Variants in SLC25A26 observed in about 807,000 individuals in gnomAD.
SLC25A26 encodes mitochondrial S-adenosylmethionine carrier protein.
A neutral mutation model predicts 37.8 loss-of-function variants in SLC25A26; 36 were observed. The ratio of observed to expected loss-of-function variants is 0.95; its 90% confidence interval spans 0.73 to 1.26. The LOEUF (loss-of-function observed/expected upper bound fraction) is 1.26, where lower values mean the gene tolerates loss of function less well. SLC25A26 is among the 50% of genes most tolerant of loss of function. SLC25A26 has a pLI of 0.00. For synonymous variants in SLC25A26, 129 were observed against 122.5 expected (o/e 1.05, Z -0.35); for missense variants, 390 against 331.1 (o/e 1.18, Z -1.38).
intron 5 of SLC25A26, among the ~76,000 whole-genome samples, chr3:66,329,737 A>T (rs1456120293): frequency 2.0e-5 from 3 of 152,112 alleles, no homozygotes; most frequent in Admixed American, 1.3e-4. Context: ...AATTTTACTT[A>T]TTTGTTTATT....
At chr3:66,248,579 G>GA (rs1251082639) in intron 3 of SLC25A26, among the ~76,000 whole-genome samples, 7 of 152,012 alleles carry the variant, frequency 4.6e-5, no homozygotes, top group African/African-American at 7.3e-5. Context: ...TGTCAGAAAT[G>GA]AAAAAAACAT....
chr3:66,300,240 A>G (rs2075032910), intron 5 of SLC25A26, among the ~76,000 whole-genome samples: 1 of 128,406 alleles, frequency 7.8e-6, no homozygotes. Flanking sequence ...CTTCTAGGCT[A>G]GGGTTTTTTT....
At chr3:66,371,859 G>A (rs535326201) in intron 9 of SLC25A26, among the ~76,000 whole-genome samples, 18 of 152,274 alleles carry the variant, frequency 1.2e-4, no homozygotes, top group Admixed American at 1.1e-3. Flanking sequence ...CACTTTGGGA[G>A]GCTGAAGCAG....
At chr3:66,346,657 T>C (rs537645669) in intron 6 of SLC25A26, among the ~76,000 whole-genome samples, 1 of 151,928 alleles carries the variant, frequency 6.6e-6, no homozygotes, top group South Asian at 2.1e-4. Context: ...AAAACTTAGG[T>C]TTACTTTTTT....
At chr3:66,134,924 A>T (rs991011406) in intron 1 of SLC25A26, among the ~76,000 whole-genome samples, 1 of 151,768 alleles carries the variant, frequency 6.6e-6, no homozygotes, top group Admixed American at 6.6e-5. Context: ...TCTGCCTCCC[A>T]GGTTCAAGCG....
chr3:66,161,213 T>G (rs1396785315), intron 1 of SLC25A26, among the ~76,000 whole-genome samples: 1 of 151,908 alleles, frequency 6.6e-6, no homozygotes, highest in Non-Finnish European at 1.5e-5. Context: ...CTTGAAACTG[T>G]CAATTTGCTC....
intron 1 of SLC25A26, among the ~76,000 whole-genome samples, chr3:66,183,255 C>A (rs929698857): frequency 6.6e-6 from 1 of 151,976 alleles, no homozygotes; most frequent in Non-Finnish European, 1.5e-5. Context: ...GCCATTCACT[C>A]TGACACAGGA....
chr3:66,282,416 G>A (rs373862098), intron 5 of SLC25A26, among the ~76,000 whole-genome samples: 106 of 152,214 alleles, frequency 7.0e-4, no homozygotes, highest in African/African-American at 2.3e-3. Flanking sequence ...AAAGTGCTGA[G>A]ATTACAGGCA....
chr3:66,225,124 G>C (rs548327866), intron 1 of SLC25A26, among the ~76,000 whole-genome samples: 19 of 152,200 alleles, frequency 1.2e-4, no homozygotes, highest in African/African-American at 4.6e-4. Context: ...TCTTCTCACA[G>C]CTCCACCAGG....
chr3:66,222,969 A>G lies in SLC25A26; in HGVS notation c.33+1842A>G, dbSNP rs545163281. On this transcript the variant is annotated intron_variant, in intron 1 of 9. Coordinates refer to ENST00000354883, the MANE Select transcript of SLC25A26 (RefSeq NM_001379210.1). Reference sequence around the variant, plus strand: ...TGGAAGTTTCAAGAAACTAGATTTCATTCCAGGTAAAGGAAAAACATTTTA... The same window carrying G: ...TGGAAGTTTCAAGAAACTAGATTTCGTTCCAGGTAAAGGAAAAACATTTTA... Among the ~76,000 whole-genome samples the G allele has an allele frequency of 2.6e-5, 4 of 152,350 alleles. No homozygotes were observed. In the East Asian group the frequency reaches 7.7e-4, roughly 29 times the overall value.
At chr3:66,304,564 C>T (rs2075164372) in intron 5 of SLC25A26, 1 of 439,686 alleles carries the variant, frequency 2.3e-6, no homozygotes, top group African/African-American at 2.0e-5. Flanking sequence ...CCCCTGATTG[C>T]TGAACATGCT....
rs374562681 is a variant in SLC25A26 at position 66,315,079 on chromosome 3, G to T, written c.454-31285G>T. On this transcript the variant is annotated intron_variant, in intron 5 of 9. Transcript: ENST00000354883. ...TTAAAAACTAGCTCCTGGATTCTTT[G>T]ATTTTTTTTTTTTTTTTTGAAGGGT... Among the ~76,000 whole-genome samples the T allele has an allele frequency of 7.4e-3, 752 of 102,268 alleles. 7 individuals carry two copies. Among genetic ancestry groups the T allele is most frequent in the African/African-American group, 0.032 (665 of 20,484 alleles). The allele number at this position is 102,268 out of a possible 152,430, so 67.1% of individuals were successfully genotyped here. A position where few individuals can be genotyped will look rare whatever the true frequency, so the allele number is the denominator to read the frequency against.
intron 5 of SLC25A26, among the ~76,000 whole-genome samples, chr3:66,307,502 G>C (rs1038182771): frequency 7.9e-5 from 12 of 152,170 alleles, no homozygotes; most frequent in Non-Finnish European, 1.5e-4. Flanking sequence ...AAGCTCTTTA[G>C]TTTAATTAGA....
chr3:66,190,630 T>C (rs1463827314), intron 1 of SLC25A26, among the ~76,000 whole-genome samples: 1 of 152,124 alleles, frequency 6.6e-6, no homozygotes, highest in Admixed American at 6.5e-5. Context: ...GGTTTCACCA[T>C]GTTGGCCAGG....
intron 1 of SLC25A26, among the ~76,000 whole-genome samples, chr3:66,168,200 T>TATACACAC (rs1553649663): frequency 4.6e-4 from 53 of 115,482 alleles, no homozygotes; most frequent in East Asian, 1.3e-3. Context: ...TATATATATA[T>TATACACAC]ACACACACAC....
intron 7 of SLC25A26, among the ~76,000 whole-genome samples, chr3:66,364,556 G>A (rs2076784748): frequency 6.6e-6 from 1 of 152,176 alleles, no homozygotes; most frequent in Non-Finnish European, 1.5e-5. Flanking sequence ...GGACCCTCCT[G>A]AGTGCCAGTT....
At chr3:66,277,954 G>A (rs76345800) in intron 5 of SLC25A26, among the ~76,000 whole-genome samples, 1 of 152,000 alleles carries the variant, frequency 6.6e-6, no homozygotes, top group South Asian at 2.1e-4. Context: ...TGAAAGAACT[G>A]CCACAAATAA....
rs950413466 is a variant in SLC25A26, at chr3:66,204,603, A to G, written c.-353-16139A>G. Among the ~76,000 whole-genome samples, 355 of 152,292 alleles carry G rather than the reference A, an allele frequency of 2.3e-3. 1 individual carries two copies. Among genetic ancestry groups the G allele is most frequent in the Non-Finnish European group, 3.9e-3 (264 of 68,012 alleles). On this transcript the variant is annotated intron_variant, in intron 1 of 10. Coordinates refer to the SLC25A26 transcript ENST00000676754. ...GCATTAATTAGAATGCTAGCACCCC[A>G]GAAAAAGCAAGAACATTGTCTATCT...
intron 5 of SLC25A26, among the ~76,000 whole-genome samples, chr3:66,268,200 A>T (rs2073829708): frequency 6.6e-6 from 1 of 152,250 alleles, no homozygotes; most frequent in African/African-American, 2.4e-5. Context: ...GACATTACAG[A>T]CATGCTGCAG....
Sources: gnomAD v4.1 joint callset for allele counts (sites outside exome capture counted in the v4.1 genomes callset) on GRCh38, gnomAD v4.1.1 for gene constraint, MANE v1.5 for transcripts, NCBI Gene and HGNC (gene_info 2026-07-23, HGNC 2026-07-21) for gene names.